The following CIST1 variants were observed in gnomAD, a reference collection of about 807,000 sequenced individuals.
CIST1 encodes uncharacterized LOC729966.
At chr19:18,251,716 G>A in the CIST1 span, among the ~76,000 whole-genome samples, 2,972 of 10,274 alleles carry the variant, frequency 0.29, 126 homozygotes, top group African/African-American at 0.43. Context: ...GCCTCCCAAA[G>A]TGCTGGGATT....
At chr19:18,250,773 AT>A in the CIST1 span, among the ~76,000 whole-genome samples, 2,602 of 124,484 alleles carry the variant, frequency 0.021, 47 homozygotes, top group African/African-American at 0.053. Flanking sequence ...TGCCTGGACA[AT>A]TTTTTTTTTT....
the CIST1 span, among the ~76,000 whole-genome samples, chr19:18,254,968 G>A: frequency 3.3e-5 from 5 of 152,260 alleles, no homozygotes; most frequent in Non-Finnish European, 5.9e-5. Context: ...GAGGCCATCT[G>A]TGGCCTCCAG....
the CIST1 span, chr19:18,249,956 A>G: frequency 2.5e-6 from 1 of 395,562 alleles, no homozygotes; most frequent in Non-Finnish European, 4.5e-6. Flanking sequence ...CTGTGACCCC[A>G]GCACAGAGCC....
At chr19:18,250,324 G>A in the CIST1 span, 23 of 398,976 alleles carry the variant, frequency 5.8e-5, no homozygotes, top group South Asian at 2.5e-4. Context: ...TGGACACCTC[G>A]TCCAGGTTCT....
chr19:18,254,535 A>T, the CIST1 span, among the ~76,000 whole-genome samples: 3 of 152,230 alleles, frequency 2.0e-5, no homozygotes, highest in Non-Finnish European at 4.4e-5. Flanking sequence ...GGTCTGGGAC[A>T]AGCTGGACTG....
At chr19:18,252,916 T>A in the CIST1 span, among the ~76,000 whole-genome samples, 1 of 152,204 alleles carries the variant, frequency 6.6e-6, no homozygotes, top group Non-Finnish European at 1.5e-5. Flanking sequence ...CTTTTCATTT[T>A]TATTTTTAAT....
chr19:18,255,083 C>A, the CIST1 span: 2 of 393,146 alleles, frequency 5.1e-6, no homozygotes, highest in African/African-American at 4.1e-5. This position sits in a 1 kb window ranked among gnomAD's most constrained non-coding sequence, Gnocchi z 4.6. Flanking sequence ...TGGGGGAAAA[C>A]CCAGCCTTCC....
the CIST1 span, among the ~76,000 whole-genome samples, chr19:18,252,999 A>G: frequency 1.1e-4 from 16 of 152,272 alleles, no homozygotes; most frequent in East Asian, 2.7e-3. Context: ...TCAGTGGGAA[A>G]CTGAAGCTCC....
the CIST1 span, among the ~76,000 whole-genome samples, chr19:18,253,069 G>A: frequency 4.6e-5 from 7 of 152,306 alleles, no homozygotes; most frequent in South Asian, 6.2e-4. Flanking sequence ...GCAGATCAGC[G>A]TTCCCAGTCC....
the CIST1 span, chr19:18,252,563 G>C: frequency 5.0e-6 from 2 of 397,976 alleles, no homozygotes; most frequent in Non-Finnish European, 8.8e-6. Flanking sequence ...CCAGGAATTA[G>C]AGACCAGCCT....
At chr19:18,253,715 C>T in the CIST1 span, among the ~76,000 whole-genome samples, 2 of 152,140 alleles carry the variant, frequency 1.3e-5, no homozygotes, top group South Asian at 2.1e-4. Flanking sequence ...AAGACACAGG[C>T]GCTGGGAACA....
chr19:18,252,712 G>A, the CIST1 span, among the ~76,000 whole-genome samples: 1 of 151,908 alleles, frequency 6.6e-6, no homozygotes, highest in Non-Finnish European at 1.5e-5. Flanking sequence ...CCACCTCCTG[G>A]GTACAAGCAA....
the CIST1 span, chr19:18,252,055 A>C: frequency 2.5e-6 from 1 of 398,712 alleles, no homozygotes; most frequent in Non-Finnish European, 4.4e-6. Flanking sequence ...CAAATCTCTT[A>C]ATACTCACCT....
chr19:18,252,052 C>CT, the CIST1 span: 1 of 398,810 alleles, frequency 2.5e-6, no homozygotes, highest in Non-Finnish European at 4.4e-6. Context: ...ACCCAAATCT[C>CT]TTAATACTCA....
chr19:18,250,175 T>C, the CIST1 span: 5 of 398,622 alleles, frequency 1.3e-5, no homozygotes, highest in East Asian at 1.8e-4. Context: ...CATTCACGGA[T>C]CCCTGAGGAA....
chr19:18,250,074 C>T, the CIST1 span: 1 of 398,758 alleles, frequency 2.5e-6, no homozygotes. Flanking sequence ...AGGTTCTGCT[C>T]CTCCCCAGGA....
the CIST1 span, chr19:18,250,127 G>T: frequency 2.5e-6 from 1 of 398,716 alleles, no homozygotes; most frequent in East Asian, 3.6e-5. Context: ...GGCTCCTCAG[G>T]GCTCACTCCT....
chr19:18,253,215 C>G, the CIST1 span, among the ~76,000 whole-genome samples: 1 of 152,148 alleles, frequency 6.6e-6, no homozygotes, highest in Non-Finnish European at 1.5e-5. Context: ...GTTGGTGCCT[C>G]TGACAGTTCA....
the CIST1 span, chr19:18,250,320 C>A: frequency 7.5e-6 from 3 of 399,062 alleles, no homozygotes; most frequent in East Asian, 1.1e-4. Context: ...ACCATGGACA[C>A]CTCGTCCAGG....
Sources: gnomAD v4.1 joint callset for allele counts (sites outside exome capture counted in the v4.1 genomes callset) on GRCh38, gnomAD v4.1.1 for gene constraint, Gnocchi (gnomAD v3.1) non-coding constraint, MANE v1.5 for transcripts, NCBI Gene and HGNC (gene_info 2026-07-23, HGNC 2026-07-21) for gene names.